Variants in FSHR observed in about 807,000 individuals in gnomAD.
FSHR encodes follicle-stimulating hormone receptor.
FSHR carries 46 observed loss-of-function variants against 52.1 expected under a neutral mutation model. The ratio of observed to expected loss-of-function variants is 0.88; its 90% CI spans 0.70 to 1.13. FSHR has a LOEUF of 1.13. FSHR is among the 50% of genes most tolerant of loss of function. The probability of loss-of-function intolerance (pLI) is 0.00; values close to 1 mark genes in which losing one functional copy is unlikely to be tolerated. For missense variants in FSHR, 964 were observed against 834.6 expected (o/e 1.16, Z -1.91); for synonymous variants, 399 against 309.6 (o/e 1.29, Z -3.03).
chr2:49,133,445 C>T (rs761338750), intron 1 of FSHR, among the ~76,000 whole-genome samples: 4 of 152,172 alleles, frequency 2.6e-5, no homozygotes, highest in Non-Finnish European at 4.4e-5. Context: ...AAGAACATTC[C>T]ATGCTCATAC....
At chr2:49,023,675 G>A (rs1667820259) in intron 2 of FSHR, among the ~76,000 whole-genome samples, 1 of 152,122 alleles carries the variant, frequency 6.6e-6, no homozygotes, top group South Asian at 2.1e-4. Context: ...GCTATCAGTT[G>A]AGGTCCTTGA....
intron 2 of FSHR, among the ~76,000 whole-genome samples, chr2:49,031,889 T>A (rs1158984330): frequency 1.3e-5 from 2 of 152,190 alleles, no homozygotes; most frequent in Non-Finnish European, 2.9e-5. Context: ...AGTAAAGGAA[T>A]GATATTTATA....
At chr2:49,003,690 G>T (rs920984790) in intron 4 of FSHR, among the ~76,000 whole-genome samples, 1 of 152,038 alleles carries the variant, frequency 6.6e-6, no homozygotes, top group Non-Finnish European at 1.5e-5. Context: ...GCAAGCATCT[G>T]GATCACAGCC....
chr2:49,092,320 G>C (rs1224137467), intron 1 of FSHR, among the ~76,000 whole-genome samples: 1 of 152,178 alleles, frequency 6.6e-6, no homozygotes, highest in Admixed American at 6.5e-5. Flanking sequence ...TTTATGAACA[G>C]AGACAATTTT....
intron 4 of FSHR, among the ~76,000 whole-genome samples, chr2:48,997,494 C>CA (rs1676074810): frequency 6.6e-6 from 1 of 151,772 alleles, no homozygotes; most frequent in Non-Finnish European, 1.5e-5. Context: ...GGGCATGTAG[C>CA]ATAGCTTCAA....
intron 1 of FSHR, among the ~76,000 whole-genome samples, chr2:49,094,770 G>C (rs987994438): frequency 5.9e-5 from 9 of 151,474 alleles, no homozygotes; most frequent in Non-Finnish European, 1.2e-4. Context: ...AGAAACAGAA[G>C]AAATAACAAT....
intron 1 of FSHR, among the ~76,000 whole-genome samples, chr2:49,087,325 G>T (rs1670438245): frequency 6.6e-6 from 1 of 152,020 alleles, no homozygotes; most frequent in South Asian, 2.1e-4. Context: ...CAGTAAAGAA[G>T]AAGAGCATTG....
At chr2:49,130,396 G>A (rs1256311558) in intron 1 of FSHR, among the ~76,000 whole-genome samples, 1 of 152,180 alleles carries the variant, frequency 6.6e-6, no homozygotes, top group Non-Finnish European at 1.5e-5. Context: ...TGGACTCCCT[G>A]ATCATTCCAA....
chr2:49,005,815 T>C (rs555581147), intron 4 of FSHR, among the ~76,000 whole-genome samples: 1 of 152,112 alleles, frequency 6.6e-6, no homozygotes, highest in Non-Finnish European at 1.5e-5. Context: ...GAGTGCCAAC[T>C]TGAATGGATT....
chr2:48,975,059 ATAGT>A (rs970299057), intron 8 of FSHR, among the ~76,000 whole-genome samples: 1 of 152,206 alleles, frequency 6.6e-6, no homozygotes, highest in African/African-American at 2.4e-5. Flanking sequence ...TGTGACCACG[ATAGT>A]TAATTTTAGG....
chr2:49,008,442 T>G (rs2104173051), intron 4 of FSHR, among the ~76,000 whole-genome samples: 1 of 151,878 alleles, frequency 6.6e-6, no homozygotes, highest in Non-Finnish European at 1.5e-5. Flanking sequence ...GACATTTGGG[T>G]TTGTTCCAAG....
chr2:49,131,385 C>T (rs1162338324), intron 1 of FSHR, among the ~76,000 whole-genome samples: 2 of 151,992 alleles, frequency 1.3e-5, no homozygotes, highest in East Asian at 1.9e-4. Flanking sequence ...ATCCAAAGAC[C>T]CTCTAAGCAT....
At chr2:49,028,220 A>G (rs1463922033) in intron 2 of FSHR, among the ~76,000 whole-genome samples, 2 of 152,196 alleles carry the variant, frequency 1.3e-5, no homozygotes, top group Non-Finnish European at 2.9e-5. Context: ...CTGCAGGAAT[A>G]ATGATGACAA....
chr2:49,138,446 C>T (rs1672561184), intron 1 of FSHR, among the ~76,000 whole-genome samples: 1 of 152,090 alleles, frequency 6.6e-6, no homozygotes, highest in African/African-American at 2.4e-5. Context: ...AAAGTGAAAA[C>T]AACCCAAATG....
Position 49,154,355 on chromosome 2 carries a change from C to A in FSHR, c.63G>T (p.Arg21=). 7 of 1,613,644 alleles carry A rather than the reference C, an allele frequency of 4.3e-6. No individual in the cohort carries two copies. The highest frequency in any genetic ancestry group is 5.9e-6 in the Non-Finnish European group (7 of 1,179,916). The part of the protein sequence containing the change: ...FLSLGSGCHH[R]ICHCSNRVFL... ...AAACCCTGTTAGAGCAGTGACAGAT[C>A]CGATGATGACATCCTGAGCCCAAGC... Residue 21 remains arginine (R), a synonymous_variant, in exon 1 of 10, where the codon CGG becomes CGT. Coordinates refer to ENST00000406846, the MANE Select transcript of FSHR (RefSeq NM_000145.4).
chr2:49,057,549 C>T (rs1669105215), intron 2 of FSHR, among the ~76,000 whole-genome samples: 1 of 151,990 alleles, frequency 6.6e-6, no homozygotes, highest in Non-Finnish European at 1.5e-5. Context: ...AATCTCCCAA[C>T]AAAGAAAAGC....
At chr2:49,150,198 G>A (rs886470112) in intron 1 of FSHR, among the ~76,000 whole-genome samples, 7 of 152,190 alleles carry the variant, frequency 4.6e-5, no homozygotes, top group Admixed American at 4.6e-4. Context: ...GAATGAACCT[G>A]CTCCCTGAGT....
At chr2:49,010,384 G>A (rs1218857517) in intron 4 of FSHR, among the ~76,000 whole-genome samples, 1 of 151,750 alleles carries the variant, frequency 6.6e-6, no homozygotes, top group Non-Finnish European at 1.5e-5. Flanking sequence ...AAGCCCACTT[G>A]ATCATGGTGG....
chr2:49,051,498 G>C (rs1294071075), intron 2 of FSHR, among the ~76,000 whole-genome samples: 1 of 151,910 alleles, frequency 6.6e-6, no homozygotes, highest in Non-Finnish European at 1.5e-5. Flanking sequence ...TGAAGTATCT[G>C]TTCAGATATT....
Sources: allele counts gnomAD v4.1 joint callset (sites outside exome capture counted in the v4.1 genomes callset), GRCh38; gene constraint gnomAD v4.1.1; transcripts MANE v1.5; gene names NCBI Gene and HGNC (gene_info 2026-07-23, HGNC 2026-07-21).